The following AOPEP variants were observed in gnomAD, a reference collection of about 807,000 sequenced individuals.
AOPEP encodes aminopeptidase O (putative).
Under a neutral mutation model 98.1 loss-of-function variants are expected in AOPEP, and 77 were observed. The observed-to-expected ratio is 0.78, with a 90% confidence interval of 0.65 to 0.95. The LOEUF is 0.95. Ranked by LOEUF, AOPEP falls within the 40% of genes least tolerant of loss-of-function variation. AOPEP has a pLI of 0.00. For synonymous variants in AOPEP, 346 were observed against 365.3 expected (o/e 0.95, Z 0.60); for missense variants, 1,024 against 1,024.7 (o/e 1.00, Z 0.01).
chr9:95,005,111 C>A, intron 11 of AOPEP, 47 bp from the exon 12 acceptor site: 2 of 1,012,228 alleles, frequency 2.0e-6, no homozygotes, highest in Non-Finnish European at 1.2e-6. Context: ...GCAGGGAGGC[C>A]GGGGCCGCTC....
At chr9:94,843,572 A>T (rs907076758) in intron 5 of AOPEP, among the ~76,000 whole-genome samples, 4 of 152,124 alleles carry the variant, frequency 2.6e-5, no homozygotes, top group Non-Finnish European at 5.9e-5. Flanking sequence ...GTTTGCTATT[A>T]TTACCATATG....
intron 5 of AOPEP, among the ~76,000 whole-genome samples, chr9:94,888,178 C>T (rs2048445382): frequency 6.6e-6 from 1 of 151,972 alleles, no homozygotes; most frequent in Non-Finnish European, 1.5e-5. Flanking sequence ...CTGTGTCAAC[C>T]AATTATAGTT....
chr9:94,928,052 G>A (rs150384411), intron 6 of AOPEP, among the ~76,000 whole-genome samples: 1 of 152,322 alleles, frequency 6.6e-6, no homozygotes, highest in Admixed American at 6.5e-5. Context: ...GAGGTGAACG[G>A]TGGGGCCTTC....
At chr9:94,915,123 A>G (rs911921262) in intron 5 of AOPEP, among the ~76,000 whole-genome samples, 1 of 152,180 alleles carries the variant, frequency 6.6e-6, no homozygotes, top group African/African-American at 2.4e-5. Context: ...GGCAAGTGAC[A>G]TAATTTCTGT....
intron 5 of AOPEP, among the ~76,000 whole-genome samples, chr9:94,825,108 G>C (rs1397420005): frequency 6.6e-6 from 1 of 152,150 alleles, no homozygotes; most frequent in Non-Finnish European, 1.5e-5. Context: ...CAGCAGATTG[G>C]GGAGGGAGGA....
chr9:95,028,923 G>C (rs2064066873), intron 13 of AOPEP, among the ~76,000 whole-genome samples: 1 of 152,214 alleles, frequency 6.6e-6, no homozygotes, highest in Non-Finnish European at 1.5e-5. Flanking sequence ...GAGAGCCATT[G>C]GCCCCAGATG....
At chr9:94,942,513 AC>A (rs1281332991) in intron 7 of AOPEP, among the ~76,000 whole-genome samples, 1 of 152,190 alleles carries the variant, frequency 6.6e-6, no homozygotes, top group African/African-American at 2.4e-5. Flanking sequence ...ATGGTTGAGG[AC>A]AGAAGGAATA....
intron 10 of AOPEP, among the ~76,000 whole-genome samples, chr9:94,977,674 G>A (rs1319842057): frequency 6.6e-6 from 1 of 152,076 alleles, no homozygotes; most frequent in Non-Finnish European, 1.5e-5. Flanking sequence ...AGGGGGACTT[G>A]GCCATTTGCG....
intron 5 of AOPEP, among the ~76,000 whole-genome samples, chr9:94,872,014 G>GA (rs11394330): frequency 0.057 from 8,587 of 151,562 alleles, 688 homozygotes; most frequent in African/African-American, 0.18. Flanking sequence ...TCTCAAAGAA[G>GA]AAAAAAAAGA....
At position 94,892,827 on chromosome 9, in the gene AOPEP, C is replaced by A. The variant is rs372782224; in HGVS notation, c.1365-31159C>A. Among the ~76,000 whole-genome samples the A allele has an allele frequency of 6.8e-4, 104 of 152,228 alleles. 1 individual carries two copies. Among genetic ancestry groups the A allele is most frequent in the African/African-American group, 2.4e-3 (100 of 41,534 alleles). ...CTCCTAGGCTCAAGCAATCCTCCTG[C>A]CTCAGCCTGTCAAGTAGGTAGGACT... On this transcript the variant is annotated intron_variant, in intron 5 of 16. Coordinates refer to ENST00000375315, the MANE Select transcript of AOPEP (RefSeq NM_001193329.3).
At chr9:94,806,318 G>A (rs891477161) in intron 5 of AOPEP, among the ~76,000 whole-genome samples, 3 of 151,982 alleles carry the variant, frequency 2.0e-5, no homozygotes, top group Admixed American at 6.6e-5. Context: ...CTTTCTGCAT[G>A]GATTGTTTTT....
In AOPEP at chr9:94,978,972, G is replaced by A. The variant is rs188307771; in HGVS notation, c.1917-395G>A. On this transcript the variant is annotated intron_variant, in intron 10 of 16. Transcript: ENST00000375315. ...ATCTTTCCTATAAAGTGCAGATTTC[G>A]TGTTGACGCACTCAATGCCATGATG... Among the ~76,000 whole-genome samples the A allele has an allele frequency of 2.3e-4, 35 of 152,134 alleles. No homozygotes were observed. The East Asian group carries it at 6.2e-3, about 27-fold the overall frequency.
chr9:95,028,914 A>G (rs999899450), intron 13 of AOPEP, among the ~76,000 whole-genome samples: 9 of 152,248 alleles, frequency 5.9e-5, no homozygotes, highest in Admixed American at 1.3e-4. Context: ...GAATTCCGCG[A>G]GAGCCATTGG....
intron 7 of AOPEP, among the ~76,000 whole-genome samples, chr9:94,952,767 C>T (rs2058193632): frequency 6.6e-6 from 1 of 152,214 alleles, no homozygotes; most frequent in African/African-American, 2.4e-5. Context: ...TGTGCACTGC[C>T]CTCTCCAGCA....
At chr9:95,110,795 G>A in the AOPEP span, 2 of 1,120,448 alleles carry the variant, frequency 1.8e-6, no homozygotes, top group South Asian at 7.0e-5. Flanking sequence ...TTGCAAGGGA[G>A]GTGCCAATGC....
rs746321059 is a variant in AOPEP, at chr9:95,086,797, GC to G, written c.*123del. 4.7e-5 allele frequency: 46 copies of G among 987,908 alleles called. No homozygotes were observed. Among genetic ancestry groups the G allele is most frequent in the Non-Finnish European group, 5.4e-5 (45 of 830,154 alleles). 61.2% of individuals were successfully genotyped at this position (987,908 alleles called of 1,614,324 possible). A position where few individuals can be genotyped will look rare whatever the true frequency, so the allele number is the denominator to read the frequency against. On this transcript the variant is annotated 3_prime_UTR_variant, in exon 17 of 17. Coordinates refer to ENST00000375315, the MANE Select transcript of AOPEP (RefSeq NM_001193329.3). ...TGGCTGCTAAAGCCATCGGCCCACA[GC>G]CCTGTTCACATCTTGGTGCTTCTCT...
At chr9:94,863,860 C>A (rs2045402347) in intron 5 of AOPEP, among the ~76,000 whole-genome samples, 1 of 152,184 alleles carries the variant, frequency 6.6e-6, no homozygotes, top group South Asian at 2.1e-4. Context: ...CACCAACTGT[C>A]CTTCAAGGAG....
At chr9:94,826,078 G>A (rs957848554) in intron 5 of AOPEP, among the ~76,000 whole-genome samples, 4 of 151,638 alleles carry the variant, frequency 2.6e-5, no homozygotes, top group South Asian at 4.2e-4. Context: ...AGGAAAATAC[G>A]GTGAAATCTG....
At chr9:95,061,820 T>A (rs1489936395) in intron 14 of AOPEP, among the ~76,000 whole-genome samples, 1 of 152,244 alleles carries the variant, frequency 6.6e-6, no homozygotes, top group African/African-American at 2.4e-5. Flanking sequence ...AGGGGACATG[T>A]AGCTTTTTAC....
Sources: allele counts gnomAD v4.1 joint callset (sites outside exome capture counted in the v4.1 genomes callset), GRCh38; gene constraint gnomAD v4.1.1; transcripts MANE v1.5; gene names NCBI Gene and HGNC (gene_info 2026-07-23, HGNC 2026-07-21).